Variants in DYNC1I2 observed in about 807,000 individuals in gnomAD.
DYNC1I2 encodes the protein dynein cytoplasmic 1 intermediate chain 2, also known as cytoplasmic dynein 1 intermediate chain 2.
Under a neutral mutation model 88.6 loss-of-function variants are expected in DYNC1I2, and 53 were observed. The observed-to-expected ratio is 0.60, with a 90% CI of 0.48 to 0.75. The LOEUF (loss-of-function observed/expected upper bound fraction) is 0.75. DYNC1I2 is among the 30% of genes least tolerant of loss of function. The pLI, the probability that DYNC1I2 is intolerant of heterozygous loss-of-function variation, is 0.00. For synonymous variants in DYNC1I2, 198 were observed against 254.6 expected (o/e 0.78, Z 2.12); for missense variants, 458 against 766.6 (o/e 0.60, Z 4.75).
At position 171,747,821 on chromosome 2, in the gene DYNC1I2, A is replaced by G; in HGVS notation, c.1849A>G (p.Thr617Ala). Residue 617 changes from threonine (T) to alanine (A), a missense_variant, in exon 18 of 18, where the codon ACA (threonine) becomes GCA (alanine). Thr to Ala is a moderately conservative substitution (Grantham distance 58). This residue lies in a region of DYNC1I2 where 188 missense variants were observed against 300.4 expected (regional missense o/e 0.63). Coordinates refer to ENST00000397119, the MANE Select transcript of DYNC1I2 (RefSeq NM_001378.3). ...TGATGAATGGGCACGGTTTGGCCGA[A>G]CACTTGCAGAAATTAATGCAAACCG... ...RNDEWARFGR[T>A]LAEINANRAD... 22 of 1,611,394 alleles carry G rather than the reference A, an allele frequency of 1.4e-5. No homozygotes were observed. The highest frequency in any genetic ancestry group is 1.2e-5 in the Non-Finnish European group (14 of 1,179,474).
At chr2:171,729,189 T>C (rs899521142) in intron 14 of DYNC1I2, among the ~76,000 whole-genome samples, 2 of 152,138 alleles carry the variant, frequency 1.3e-5, no homozygotes, top group African/African-American at 4.8e-5. Context: ...GTTTCCCCTT[T>C]TGATTTATTT....
chr2:171,727,509 T>C (rs1004582629), intron 11 of DYNC1I2, among the ~76,000 whole-genome samples: 1 of 152,080 alleles, frequency 6.6e-6, no homozygotes, highest in Admixed American at 6.6e-5. Flanking sequence ...ACTGTCAGAG[T>C]CTAATGCAGG....
chr2:171,707,499 A>ATAGTTGTGTCGAGTTAGTCCTAACATTTT, intron 5 of DYNC1I2, 122 bp downstream of exon 5: 2 of 797,134 alleles, frequency 2.5e-6, no homozygotes, highest in Non-Finnish European at 3.6e-6. Flanking sequence ...TAAAATCTAA[A>ATAGTTGTGTCGAGTTAGTCCTAACATTTT]ATGGCATAGA....
At chr2:171,688,306 CTTGAGTT>C in intron 1 of DYNC1I2, 2 of 152,302 alleles carry the variant, frequency 1.3e-5, no homozygotes, top group East Asian at 1.9e-4. Context: ...ACTCTCTTCT[CTTGAGTT>C]TTAAGAACGT....
At chr2:171,697,703 A>G (rs1044170122) in intron 3 of DYNC1I2, among the ~76,000 whole-genome samples, 2 of 151,758 alleles carry the variant, frequency 1.3e-5, no homozygotes, top group Non-Finnish European at 2.9e-5. Context: ...AAAAAGAAAA[A>G]CAAAATTAGC....
chr2:171,713,533 C>A (rs534547976), intron 6 of DYNC1I2, among the ~76,000 whole-genome samples: 2 of 149,958 alleles, frequency 1.3e-5, no homozygotes, highest in Non-Finnish European at 3.0e-5. Context: ...AAAACTTGTT[C>A]TTTTAGAAGT....
intron 15 of DYNC1I2, among the ~76,000 whole-genome samples, chr2:171,741,497 T>G (rs964467981): frequency 1.2e-4 from 19 of 152,204 alleles, no homozygotes; most frequent in African/African-American, 3.6e-4. Context: ...TGGTTTTGAT[T>G]TGCATTCCTC....
chr2:171,715,186 A>G, intron 6 of DYNC1I2, 142 bp from the exon 7 acceptor site: 1 of 537,222 alleles, frequency 1.9e-6, no homozygotes, highest in Non-Finnish European at 3.3e-6. Context: ...AATAAAGCCA[A>G]TTTATTGTTA....
intron 5 of DYNC1I2, among the ~76,000 whole-genome samples, chr2:171,711,354 T>G (rs1208079423): frequency 6.6e-6 from 1 of 152,176 alleles, no homozygotes; most frequent in Non-Finnish European, 1.5e-5. Context: ...CTTGGAATTG[T>G]ACTCTATGTG....
chr2:171,697,032 G>T (rs371433681), intron 3 of DYNC1I2, among the ~76,000 whole-genome samples: 2 of 151,748 alleles, frequency 1.3e-5, no homozygotes, highest in Non-Finnish European at 1.5e-5. Context: ...ACAAGGTCTT[G>T]CTCTGTCACC....
intron 1 of DYNC1I2, chr2:171,688,748 C>T (rs555399972): frequency 2.0e-5 from 3 of 152,252 alleles, no homozygotes; most frequent in South Asian, 2.1e-4. Context: ...CCTTTATCCA[C>T]TTCTTAGTAG....
At chr2:171,724,068 TC>T (rs1688078815) in intron 7 of DYNC1I2, among the ~76,000 whole-genome samples, 1 of 152,140 alleles carries the variant, frequency 6.6e-6, no homozygotes, top group South Asian at 2.1e-4. Context: ...TATATTGAAA[TC>T]ACTCGTGCCA....
At chr2:171,695,734 G>A (rs1685717694) in intron 3 of DYNC1I2, among the ~76,000 whole-genome samples, 1 of 152,088 alleles carries the variant, frequency 6.6e-6, no homozygotes, top group Non-Finnish European at 1.5e-5. Flanking sequence ...GAATTTACTT[G>A]CTATGTTATT....
At chr2:171,694,237 A>G (rs1322576686) in intron 3 of DYNC1I2, among the ~76,000 whole-genome samples, 3 of 151,974 alleles carry the variant, frequency 2.0e-5, no homozygotes, top group Non-Finnish European at 4.4e-5. Context: ...GGGTTTCACC[A>G]TATTGGCCAG....
chr2:171,716,143 A>G (rs1236063799), intron 7 of DYNC1I2, among the ~76,000 whole-genome samples: 1 of 152,136 alleles, frequency 6.6e-6, no homozygotes, highest in East Asian at 1.9e-4. Context: ...GATCCCTAAT[A>G]CACTTCACAG....
chr2:171,739,547 A>G (rs980933054), intron 15 of DYNC1I2, among the ~76,000 whole-genome samples: 31 of 152,100 alleles, frequency 2.0e-4, no homozygotes, highest in African/African-American at 7.2e-4. Flanking sequence ...TTTAAAAAAT[A>G]CTACCATATC....
chr2:171,720,682 G>A (rs1356610181), intron 7 of DYNC1I2, among the ~76,000 whole-genome samples: 1 of 152,130 alleles, frequency 6.6e-6, no homozygotes, highest in Non-Finnish European at 1.5e-5. Context: ...ATTGAGCCAC[G>A]ATTGTGCCAT....
intron 3 of DYNC1I2, chr2:171,693,223 C>G (rs1303325157): frequency 3.4e-6 from 1 of 293,990 alleles, no homozygotes; most frequent in Non-Finnish European, 6.5e-6. Context: ...GATTCCTGAT[C>G]TGAACTCTAT....
chr2:171,696,985 A>G (rs1196595121), intron 3 of DYNC1I2, among the ~76,000 whole-genome samples: 1 of 151,292 alleles, frequency 6.6e-6, no homozygotes, highest in African/African-American at 2.4e-5. Flanking sequence ...ATATGTTTTT[A>G]TTTTTCTTAA....
Sources: gnomAD v4.1 joint callset for allele counts (sites outside exome capture counted in the v4.1 genomes callset) on GRCh38, gnomAD v4.1.1 for gene constraint, gnomAD v4.1.1 regional missense constraint, MANE v1.5 for transcripts, NCBI Gene and HGNC (gene_info 2026-07-23, HGNC 2026-07-21) for gene names.